Variants in KCNS3 observed in about 807,000 individuals in gnomAD.
KCNS3 encodes delayed-rectifier potassium channel regulatory subunit KCNS3.
In KCNS3, 13 loss-of-function variants were observed where a neutral mutation model predicts 31.0. The observed-to-expected ratio is 0.42, with a 90% CI of 0.27 to 0.67. The LOEUF (loss-of-function observed/expected upper bound fraction) is 0.67, where lower values mean the gene tolerates loss of function less well. KCNS3 is among the 30% of genes least tolerant of loss of function. The probability of loss-of-function intolerance (pLI) is 0.25; values close to 1 mark genes in which losing one functional copy is unlikely to be tolerated. For missense variants in KCNS3, 545 were observed against 622.4 expected, an observed-to-expected ratio of 0.88 and a Z score of 1.32; for synonymous variants, 238 against 241.5, an observed-to-expected ratio of 0.99 and a Z score of 0.13.
chr2:17,894,686 G>A (rs1477710264), intron 1 of KCNS3, among the ~76,000 whole-genome samples: 1 of 152,196 alleles, frequency 6.6e-6, no homozygotes, highest in East Asian at 1.9e-4. Context: ...TGTATTTGCT[G>A]TGGAGTGAGA....
Position 17,907,711 on chromosome 2 carries a change from G to A in KCNS3, c.-251-9969G>A, listed in dbSNP as rs371261915. 1.8e-3 allele frequency among the ~76,000 whole-genome samples: 277 copies of A among 152,018 alleles called. No homozygotes were observed. In the East Asian group the frequency reaches 0.024, roughly 13 times the overall value. ...CTGTAAAGGATTTTATTTCTCCTTC[G>A]CTTAAGAAGCTTAGTTTGGCTGGAT... On this transcript the variant is annotated intron_variant, in intron 1 of 2. Coordinates refer to ENST00000304101, the MANE Select transcript of KCNS3 (RefSeq NM_002252.5).
intron 1 of KCNS3, among the ~76,000 whole-genome samples, chr2:17,893,668 C>T (rs2125236362): frequency 6.6e-6 from 1 of 152,304 alleles, no homozygotes; most frequent in South Asian, 2.1e-4. Context: ...GGAAACTTCT[C>T]CTGCAAACAG....
chr2:17,878,643 T>A (rs1177958647), upstream of KCNS3: 2 of 147,346 alleles, frequency 1.4e-5, no homozygotes, highest in Non-Finnish European at 3.0e-5. Context: ...GGAGCCTCGC[T>A]CTAGCGGGGC....
intron 2 of KCNS3, among the ~76,000 whole-genome samples, chr2:17,929,744 T>C (rs1309134947): frequency 6.6e-6 from 1 of 152,218 alleles, no homozygotes; most frequent in African/African-American, 2.4e-5. Flanking sequence ...TATTAGATTA[T>C]AAAAAGGAAG....
At position 17,931,299 on chromosome 2, in the gene KCNS3, C is replaced by G; in HGVS notation, c.291C>G (p.Phe97Leu). 2.5e-6 allele frequency: 4 copies of G among 1,614,146 alleles called. No homozygotes were observed. Among genetic ancestry groups the G allele is most frequent in the Non-Finnish European group, 3.4e-6 (4 of 1,180,020 alleles). Residue 97 changes from phenylalanine (F) to leucine (L), a missense_variant, in exon 3 of 3, where the codon TTC becomes TTG. By Grantham distance (22) the Phe-to-Leu change is conservative. Transcript: ENST00000304101. This position sits in a 1 kb window ranked among gnomAD's most constrained non-coding sequence, Gnocchi z 5.4. ...ATGTCATGGAGGAGCTGTGCGTATTCTCATTCTGCCAGGAGATCGAGTACT... is the reference window on the plus strand; with the variant it reads ...ATGTCATGGAGGAGCTGTGCGTATTGTCATTCTGCCAGGAGATCGAGTACT... ...KLHVMEELCV[F>L]SFCQEIEYWG...
At chr2:17,913,935 C>T (rs1662528305) in intron 1 of KCNS3, among the ~76,000 whole-genome samples, 1 of 152,114 alleles carries the variant, frequency 6.6e-6, no homozygotes, top group Non-Finnish European at 1.5e-5. Flanking sequence ...ATTACCTGAC[C>T]CCACAATGTC....
chr2:17,901,197 G>A (rs982853596), intron 1 of KCNS3, among the ~76,000 whole-genome samples: 9 of 152,178 alleles, frequency 5.9e-5, no homozygotes, highest in African/African-American at 2.2e-4. Flanking sequence ...GGTAACTTCA[G>A]CTTAGTGTGA....
chr2:17,893,692 C>T (rs1047138431), intron 1 of KCNS3, among the ~76,000 whole-genome samples: 1 of 152,158 alleles, frequency 6.6e-6, no homozygotes, highest in African/African-American at 2.4e-5. Flanking sequence ...TTCAGCTTCT[C>T]CACTGGGGGT....
chr2:17,894,929 G>C (rs745439022), intron 1 of KCNS3, among the ~76,000 whole-genome samples: 11 of 152,190 alleles, frequency 7.2e-5, no homozygotes, highest in Non-Finnish European at 1.2e-4. Flanking sequence ...GCTGGAGAAA[G>C]GATAGGTGTG....
At chr2:17,881,302 A>T (rs1010524256) in intron 1 of KCNS3, among the ~76,000 whole-genome samples, 1 of 152,234 alleles carries the variant, frequency 6.6e-6, no homozygotes, top group Non-Finnish European at 1.5e-5. Context: ...GTGTCAGGAA[A>T]GTGCATCTTC....
intron 1 of KCNS3, among the ~76,000 whole-genome samples, chr2:17,893,732 C>T (rs1572482497): frequency 2.0e-5 from 3 of 152,288 alleles, no homozygotes; most frequent in South Asian, 4.1e-4. Flanking sequence ...GTCTACCTTT[C>T]CCACTTCCGC....
intron 1 of KCNS3, among the ~76,000 whole-genome samples, chr2:17,887,576 T>C (rs1216097486): frequency 6.6e-6 from 1 of 152,132 alleles, no homozygotes; most frequent in Non-Finnish European, 1.5e-5. Flanking sequence ...CACTCATTGA[T>C]TGATGGGCAT....
chr2:17,902,656 A>G (rs900380335), intron 1 of KCNS3, among the ~76,000 whole-genome samples: 1 of 152,172 alleles, frequency 6.6e-6, no homozygotes, highest in Non-Finnish European at 1.5e-5. Flanking sequence ...GTAAGCAGCC[A>G]TGCCTTAAGA....
Position 17,932,278 on chromosome 2 carries a change from T to G in KCNS3, c.1270T>G (p.Cys424Gly). The G allele has an allele frequency of 6.2e-7, 1 of 1,613,924 alleles. No individual in the cohort carries two copies. The highest frequency in any genetic ancestry group is 8.5e-7 in the Non-Finnish European group (1 of 1,179,816). The change falls in exon 3 of 3, where the codon TGC becomes GGC. Residue 424 changes from cysteine (C) to glycine (G), a missense_variant. Transcript: ENST00000304101. ...GCAAAAGGACATTGATGTGGACCAG[T>G]GCAGTGAGGATGCACCAGAGAAGTG... ...QKQKDIDVDQ[C>G]SEDAPEKCHE...
intron 1 of KCNS3, among the ~76,000 whole-genome samples, chr2:17,909,871 G>A (rs1662429884): frequency 1.3e-5 from 2 of 152,316 alleles, no homozygotes; most frequent in Non-Finnish European, 2.9e-5. Context: ...TGAAGTTAGG[G>A]GAGGGTGGAT....
At chr2:17,883,657 T>C (rs1674693649) in intron 1 of KCNS3, among the ~76,000 whole-genome samples, 1 of 152,178 alleles carries the variant, frequency 6.6e-6, no homozygotes, top group African/African-American at 2.4e-5. Context: ...GGAATGAGCA[T>C]TGAGCCTCTT....
rs1662187243 is a variant in KCNS3, at chr2:17,901,956, C to T, written c.-251-15724C>T. On this transcript the variant is annotated intron_variant, in intron 1 of 2. Transcript: ENST00000304101. ...CTAGTAGTTACAGTGGCCAGGTGTC[C>T]TCCTCCTCTCATTTTGGGTCCCTGC... Among the ~76,000 whole-genome samples the T allele has an allele frequency of 3.3e-5, 5 of 152,248 alleles. No homozygotes were observed. The Middle Eastern group carries it at 0.01, about 311-fold the overall frequency.
Position 17,931,661 on chromosome 2 carries a change from A to G in KCNS3, c.653A>G (p.Asp218Gly), listed in dbSNP as rs1662977910. The stretch of plus-strand genomic sequence containing the variant: ...TTCCAGAATGAGGATGGAGAAGTGG[A>G]TGATCCGGTGCTGGAAGGAGTGGAG... ...SEFQNEDGEV[D>G]DPVLEGVEIA... is the part of the protein sequence containing the mutation. The change falls in exon 3 of 3, where the codon GAT becomes GGT. Residue 218 changes from aspartate to glycine, a missense_variant. Asp to Gly is a moderately conservative substitution (Grantham distance 94). Coordinates refer to ENST00000304101, the MANE Select transcript of KCNS3 (RefSeq NM_002252.5). This position sits in a 1 kb window ranked among gnomAD's most constrained non-coding sequence, Gnocchi z 5.4. The G allele has an allele frequency of 6.2e-7, 1 of 1,614,178 alleles. No individual in the cohort carries two copies.
chr2:17,892,964 G>C (rs556221862), intron 1 of KCNS3, among the ~76,000 whole-genome samples: 1 of 152,344 alleles, frequency 6.6e-6, no homozygotes, highest in African/African-American at 2.4e-5. Context: ...GGAACCAGCA[G>C]TGGGTGGGGC....
Sources: allele counts gnomAD v4.1 joint callset (sites outside exome capture counted in the v4.1 genomes callset), GRCh38; gene constraint gnomAD v4.1.1; non-coding constraint Gnocchi (gnomAD v3.1); transcripts MANE v1.5; gene names NCBI Gene and HGNC (gene_info 2026-07-23, HGNC 2026-07-21).